TIPIN: variants seen among roughly 807,000 people sequenced by gnomAD.
TIPIN encodes TIMELESS interacting protein, also known as TIMELESS-interacting protein.
A neutral mutation model predicts 35.6 loss-of-function variants in TIPIN; 29 were observed. The ratio of observed to expected loss-of-function variants is 0.82; its 90% CI spans 0.61 to 1.11. TIPIN has a LOEUF of 1.11. Among genes scored for constraint, TIPIN ranks in the 50% most tolerant of loss-of-function variants. TIPIN has a pLI of 0.00. For synonymous variants in TIPIN, 102 were observed against 121.5 expected (o/e 0.84, Z 1.06); for missense variants, 296 against 345.4 (o/e 0.86, Z 1.13).
chr15:66,352,700 C>G (rs968661627), intron 2 of TIPIN, 115 bp downstream of exon 2: 9 of 1,178,238 alleles, frequency 7.6e-6, no homozygotes, highest in Middle Eastern at 3.1e-4. Flanking sequence ...CCAGGCTGGT[C>G]TCAAATTCCT....
At chr15:66,367,252 A>ATC (rs2093259752) in intron 1 of TIPIN, among the ~76,000 whole-genome samples, 6 of 112,938 alleles carry the variant, frequency 5.3e-5, no homozygotes, top group South Asian at 2.9e-4. Flanking sequence ...ATCTATCTAT[A>ATC]TATCTATATC....
At chr15:66,348,647 T>C (rs566628101) in intron 6 of TIPIN, among the ~76,000 whole-genome samples, 38 of 147,384 alleles carry the variant, frequency 2.6e-4, no homozygotes, top group African/African-American at 9.5e-4. Context: ...TGAGCCGAGA[T>C]CATGCCACTG....
upstream of TIPIN, among the ~76,000 whole-genome samples, chr15:66,360,457 A>G (rs1201674662): frequency 8.5e-6 from 1 of 117,910 alleles, no homozygotes; most frequent in Non-Finnish European, 1.7e-5. Context: ...AAGCAGGAAA[A>G]GAAAATGTAA....
At chr15:66,365,932 A>C (rs1043801326) in intron 1 of TIPIN, among the ~76,000 whole-genome samples, 1 of 152,152 alleles carries the variant, frequency 6.6e-6, no homozygotes, top group South Asian at 2.1e-4. Context: ...TCCTTCTTGC[A>C]CAAGATCCAA....
At chr15:66,349,159 T>C (rs752033158) in intron 5 of TIPIN, 36 bp from the exon 6 acceptor site, 1 of 1,604,246 alleles carries the variant, frequency 6.2e-7, no homozygotes, top group Non-Finnish European at 8.5e-7. Context: ...TTTTACCTCT[T>C]TACCAATCAT....
intron 1 of TIPIN, among the ~76,000 whole-genome samples, chr15:66,383,266 AT>A (rs61646046): frequency 0.19 from 27,533 of 144,214 alleles, 3,014 homozygotes; most frequent in Middle Eastern, 0.31. Flanking sequence ...AAAAGTTTCA[AT>A]TTTTTTTTTT....
At chr15:66,356,731 C>G (rs577157364), upstream of TIPIN, 2 of 985,296 alleles carry the variant, frequency 2.0e-6, no homozygotes, top group South Asian at 4.7e-5. Context: ...GCGAGAAGGG[C>G]CCGCAGCGTT....
chr15:66,353,048 CAGTT>C (rs1313812615), intron 1 of TIPIN, 93 bp from the exon 2 acceptor site: 20 of 1,225,808 alleles, frequency 1.6e-5, no homozygotes, highest in Admixed American at 4.8e-5. Flanking sequence ...GTGTTTCAAT[CAGTT>C]AGACCACATT....
At chr15:66,368,111 C>A (rs573422133) in intron 1 of TIPIN, among the ~76,000 whole-genome samples, 4 of 152,046 alleles carry the variant, frequency 2.6e-5, no homozygotes, top group Non-Finnish European at 4.4e-5. Flanking sequence ...AGATTGCAGG[C>A]GTGAGACCCT....
At chr15:66,337,766 C>CAAA (rs199560907) in intron 7 of TIPIN, among the ~76,000 whole-genome samples, 4 of 67,834 alleles carry the variant, frequency 5.9e-5, no homozygotes, top group South Asian at 4.9e-4. Context: ...AACAAAACAT[C>CAAA]AAAAAAAATA....
chr15:66,385,229 CATT>C (rs2093332518), intron 1 of TIPIN, among the ~76,000 whole-genome samples: 1 of 152,222 alleles, frequency 6.6e-6, no homozygotes, highest in Non-Finnish European at 1.5e-5. Context: ...AAGCCCTCTT[CATT>C]TTCTCAGGTT....
chr15:66,356,329 T>A (rs1443010966), intron 1 of TIPIN, among the ~76,000 whole-genome samples: 3 of 152,118 alleles, frequency 2.0e-5, no homozygotes, highest in Non-Finnish European at 4.4e-5. Flanking sequence ...CAACATTCGC[T>A]GGGGGATTTC....
At chr15:66,350,807 C>T (rs561099538) in intron 4 of TIPIN, among the ~76,000 whole-genome samples, 3 of 150,888 alleles carry the variant, frequency 2.0e-5, no homozygotes, top group South Asian at 4.2e-4. Context: ...TGTTGGCGGG[C>T]GCCTGTAGTC....
At chr15:66,357,955 CA>C (rs962880584), upstream of TIPIN, among the ~76,000 whole-genome samples, 197 of 138,142 alleles carry the variant, frequency 1.4e-3, no homozygotes, top group Middle Eastern at 3.7e-3. Context: ...GACTCTGTCT[CA>C]AAAAAAAAAA....
chr15:66,366,838 A>G (rs1487518463), intron 1 of TIPIN: 2 of 984,902 alleles, frequency 2.0e-6, no homozygotes, highest in East Asian at 2.3e-4. Context: ...GCAGTGGACT[A>G]TGTGTGTCCA....
At chr15:66,366,153 C>CAAA (rs537298134) in intron 1 of TIPIN, among the ~76,000 whole-genome samples, 1 of 143,746 alleles carries the variant, frequency 7.0e-6, no homozygotes, top group African/African-American at 2.5e-5. Context: ...GAGTCCCTCC[C>CAAA]AAAAAAAAAA....
At chr15:66,356,523 A>C in intron 1 of TIPIN, 116 bp downstream of exon 1, 19 of 717,632 alleles carry the variant, frequency 2.6e-5, no homozygotes, top group South Asian at 6.3e-5. Flanking sequence ...CCTTCCTGCG[A>C]CAATTAGGCT....
chr15:66,347,266 C>T (rs1353403072), intron 6 of TIPIN: 4 of 518,410 alleles, frequency 7.7e-6, no homozygotes, highest in Non-Finnish European at 1.5e-5. Context: ...CGGCAGGAAC[C>T]ATCTGTTTTA....
At chr15:66,354,827 C>T (rs567413762) in intron 1 of TIPIN, among the ~76,000 whole-genome samples, 6 of 152,176 alleles carry the variant, frequency 3.9e-5, no homozygotes, top group Admixed American at 2.6e-4. Flanking sequence ...TCTCTAAATC[C>T]TTCTTTAGTA....
Sources: allele counts gnomAD v4.1 joint callset (sites outside exome capture counted in the v4.1 genomes callset), GRCh38; gene constraint gnomAD v4.1.1; transcripts MANE v1.5; gene names NCBI Gene and HGNC (gene_info 2026-07-23, HGNC 2026-07-21).